Variants in MACROD2 observed in about 807,000 individuals in gnomAD.
The protein encoded by MACROD2 is mono-ADP ribosylhydrolase 2.
Under a neutral mutation model 70.4 loss-of-function variants are expected in MACROD2, and 36 were observed. That is an observed-to-expected ratio of 0.51 (90% CI 0.39 to 0.68). The LOEUF (loss-of-function observed/expected upper bound fraction) is 0.68. Ranked by LOEUF, MACROD2 falls within the 30% of genes least tolerant of loss-of-function variation. MACROD2 has a pLI of 0.00. For synonymous variants in MACROD2, 172 were observed against 178.8 expected, an observed-to-expected ratio of 0.96 and a Z score of 0.30; for missense variants, 496 against 538.4, an observed-to-expected ratio of 0.92 and a Z score of 0.78.
chr20:15,562,751 G>A (rs2048261231), intron 8 of MACROD2, among the ~76,000 whole-genome samples: 1 of 152,190 alleles, frequency 6.6e-6, no homozygotes, highest in African/African-American at 2.4e-5. Flanking sequence ...TTTTCTCTAT[G>A]TGTTATCTAA....
intron 5 of MACROD2, among the ~76,000 whole-genome samples, chr20:14,977,628 T>TGA (rs1568908526): frequency 6.6e-6 from 1 of 151,994 alleles, no homozygotes; most frequent in African/African-American, 2.4e-5. Flanking sequence ...CATTATAGGG[T>TGA]GTTATGAGAG....
At chr20:14,819,376 T>G (rs1288924943) in intron 5 of MACROD2, among the ~76,000 whole-genome samples, 1 of 145,714 alleles carries the variant, frequency 6.9e-6, no homozygotes, top group Non-Finnish European at 1.5e-5. Context: ...GCAAGACGTA[T>G]TGATAAGAAA....
intron 8 of MACROD2, among the ~76,000 whole-genome samples, chr20:15,636,711 G>C (rs2049375701): frequency 6.6e-6 from 1 of 152,084 alleles, no homozygotes; most frequent in African/African-American, 2.4e-5. Flanking sequence ...TGTCAACAAA[G>C]ACTCAGTTAC....
chr20:15,105,094 A>G (rs1394417127), intron 5 of MACROD2, among the ~76,000 whole-genome samples: 2 of 152,186 alleles, frequency 1.3e-5, no homozygotes, highest in Admixed American at 1.3e-4. Context: ...GGTTTCTTTT[A>G]GTTGCAAGTG....
At chr20:15,662,566 ACTT>A (rs770735608) in intron 8 of MACROD2, among the ~76,000 whole-genome samples, 1 of 152,126 alleles carries the variant, frequency 6.6e-6, no homozygotes, top group Non-Finnish European at 1.5e-5. Context: ...AGAAAATGCT[ACTT>A]CTTCTGCTCT....
intron 3 of MACROD2, among the ~76,000 whole-genome samples, chr20:14,252,227 C>T (rs1318223860): frequency 6.6e-6 from 1 of 151,862 alleles, no homozygotes; most frequent in Non-Finnish European, 1.5e-5. Flanking sequence ...TAAGTTTATC[C>T]AAATCAGGTC....
At chr20:15,976,737 G>T (rs1406477941) in intron 13 of MACROD2, among the ~76,000 whole-genome samples, 3 of 149,274 alleles carry the variant, frequency 2.0e-5, no homozygotes, top group African/African-American at 7.4e-5. Flanking sequence ...CTTTATTTAA[G>T]AAAAATGAGA....
At chr20:14,674,064 T>C (rs2070829658) in intron 4 of MACROD2, among the ~76,000 whole-genome samples, 1 of 152,198 alleles carries the variant, frequency 6.6e-6, no homozygotes, top group African/African-American at 2.4e-5. Context: ...TAAAATGTTG[T>C]CAATCTATTA....
chr20:15,807,541 T>C (rs751509072), intron 8 of MACROD2, among the ~76,000 whole-genome samples: 4 of 152,140 alleles, frequency 2.6e-5, no homozygotes, highest in Non-Finnish European at 5.9e-5. Context: ...GCAATGGGAA[T>C]GTGGTGAGTG....
chr20:15,488,226 C>T (rs892776085), intron 7 of MACROD2, among the ~76,000 whole-genome samples: 2 of 152,130 alleles, frequency 1.3e-5, no homozygotes, highest in Non-Finnish European at 2.9e-5. Context: ...GAGAGCAGCA[C>T]AGAAGTTTGT....
At chr20:14,103,102 T>C (rs1169362848) in intron 3 of MACROD2, among the ~76,000 whole-genome samples, 2 of 152,188 alleles carry the variant, frequency 1.3e-5, no homozygotes, top group Non-Finnish European at 2.9e-5. Context: ...TATATTTTTT[T>C]TTTCTGAAGG....
intron 8 of MACROD2, among the ~76,000 whole-genome samples, chr20:15,746,638 T>C (rs1373420469): frequency 4.6e-5 from 7 of 151,800 alleles, no homozygotes; most frequent in Non-Finnish European, 1.0e-4. Context: ...TGATATTTGC[T>C]CTGTAAGCTT....
At chr20:14,875,164 C>T (rs932623595) in intron 5 of MACROD2, among the ~76,000 whole-genome samples, 4 of 151,840 alleles carry the variant, frequency 2.6e-5, no homozygotes, top group African/African-American at 4.8e-5. Context: ...GGGCGGATCA[C>T]GAGGTCAGGA....
intron 5 of MACROD2, among the ~76,000 whole-genome samples, chr20:15,152,284 AG>A (rs1438647989): frequency 6.6e-6 from 1 of 151,830 alleles, no homozygotes. Flanking sequence ...ACGCAGGCTA[AG>A]GGAGAAGGAG....
At chr20:16,005,218 A>C (rs1351236151) in intron 15 of MACROD2, among the ~76,000 whole-genome samples, 5 of 152,230 alleles carry the variant, frequency 3.3e-5, no homozygotes, top group Non-Finnish European at 5.9e-5. Context: ...AACTTGCGGA[A>C]GTTCCCCACA....
At chr20:15,432,415 C>G (rs1031517218) in intron 7 of MACROD2, among the ~76,000 whole-genome samples, 2 of 151,976 alleles carry the variant, frequency 1.3e-5, no homozygotes, top group Admixed American at 6.6e-5. Flanking sequence ...TCAATTTAAG[C>G]CTTCTTCCTC....
intron 5 of MACROD2, among the ~76,000 whole-genome samples, chr20:15,055,407 C>G (rs950747412): frequency 1.3e-5 from 2 of 152,114 alleles, no homozygotes; most frequent in African/African-American, 4.8e-5. Context: ...ATCTCTGGGT[C>G]TTGGTTTTCT....
At chr20:15,792,483 A>G (rs979242460) in intron 8 of MACROD2, among the ~76,000 whole-genome samples, 2 of 152,248 alleles carry the variant, frequency 1.3e-5, no homozygotes, top group Admixed American at 6.5e-5. Context: ...ATTAGTAAGG[A>G]AAAAATACAC....
intron 8 of MACROD2, among the ~76,000 whole-genome samples, chr20:15,654,184 TCA>T (rs2049691215): frequency 6.6e-6 from 1 of 152,148 alleles, no homozygotes; most frequent in South Asian, 2.1e-4. Flanking sequence ...ATGCAGAAGT[TCA>T]GAGAAAGCAA....
Sources: allele counts gnomAD v4.1 joint callset (sites outside exome capture counted in the v4.1 genomes callset), GRCh38; gene constraint gnomAD v4.1.1; transcripts MANE v1.5; gene names NCBI Gene and HGNC (gene_info 2026-07-23, HGNC 2026-07-21).